PCDH9: variants seen among roughly 807,000 people sequenced by gnomAD.
The protein encoded by PCDH9 is protocadherin 9.
In PCDH9, 24 loss-of-function variants were observed where a neutral mutation model predicts 70.6. The observed-to-expected ratio is 0.34, with a 90% CI of 0.25 to 0.48. The LOEUF is 0.48. Among genes scored for constraint, PCDH9 ranks in the 20% least tolerant of loss-of-function variants. The pLI, the probability that PCDH9 is intolerant of heterozygous loss-of-function variation, is 0.99. For synonymous variants in PCDH9, 562 were observed against 558.5 expected (o/e 1.01, Z -0.09); for missense variants, 1,281 against 1,503.6 (o/e 0.85, Z 2.45).
chr13:66,557,485 T>A (rs1356544464), intron 4 of PCDH9, among the ~76,000 whole-genome samples: 6 of 152,206 alleles, frequency 3.9e-5, no homozygotes, highest in Admixed American at 3.9e-4. Context: ...TTAGAAAACT[T>A]CAGAGAAACA....
chr13:67,025,352 T>C (rs1322801557), intron 2 of PCDH9, among the ~76,000 whole-genome samples: 3 of 152,134 alleles, frequency 2.0e-5, no homozygotes, highest in Non-Finnish European at 2.9e-5. Context: ...TTGTGAATGT[T>C]CAAGAAAAAT....
intron 4 of PCDH9, among the ~76,000 whole-genome samples, chr13:66,412,792 CCTT>C (rs1453827596): frequency 6.6e-6 from 1 of 152,062 alleles, no homozygotes; most frequent in Admixed American, 6.5e-5. Flanking sequence ...CAATTTTTGT[CCTT>C]CTGCTAATTG....
chr13:66,463,267 G>C (rs1030026038), intron 4 of PCDH9, among the ~76,000 whole-genome samples: 2 of 151,768 alleles, frequency 1.3e-5, no homozygotes, highest in East Asian at 3.9e-4. Flanking sequence ...ATTCAAGAGA[G>C]CAAAGAATGC....
intron 4 of PCDH9, among the ~76,000 whole-genome samples, chr13:66,480,389 A>G (rs1202774518): frequency 1.3e-5 from 2 of 152,212 alleles, no homozygotes; most frequent in Admixed American, 6.5e-5. Flanking sequence ...TGTTGAAATA[A>G]CAAAATTCTA....
At chr13:66,914,202 A>G (rs1404886517) in intron 2 of PCDH9, among the ~76,000 whole-genome samples, 1 of 151,922 alleles carries the variant, frequency 6.6e-6, no homozygotes, top group Non-Finnish European at 1.5e-5. Flanking sequence ...GCTTATTTTC[A>G]AGGTCTTAAA....
intron 4 of PCDH9, among the ~76,000 whole-genome samples, chr13:66,534,522 G>C (rs1960606485): frequency 6.6e-6 from 1 of 152,002 alleles, no homozygotes; most frequent in African/African-American, 2.4e-5. Context: ...CCACTCCTGA[G>C]GGCCCCAATC....
At chr13:66,761,391 C>A (rs566246420) in intron 3 of PCDH9, among the ~76,000 whole-genome samples, 1 of 152,250 alleles carries the variant, frequency 6.6e-6, no homozygotes, top group African/African-American at 2.4e-5. Context: ...ATTTATATTT[C>A]TCTGGGTTTG....
intron 2 of PCDH9, among the ~76,000 whole-genome samples, chr13:66,971,542 T>C (rs2083522941): frequency 6.6e-6 from 1 of 152,038 alleles, no homozygotes; most frequent in Admixed American, 6.6e-5. Flanking sequence ...ATTCGATTTA[T>C]ATTCTCCCAA....
Position 66,674,972 on chromosome 13 carries a change from A to G in PCDH9, c.3139-43561T>C, listed in dbSNP as rs141286257. Among the ~76,000 whole-genome samples the G allele has an allele frequency of 2.3e-3, 353 of 152,228 alleles. 1 individual carries two copies. The highest frequency in any genetic ancestry group is 3.4e-3 in the Non-Finnish European group (232 of 67,954). On this transcript the variant is annotated intron_variant, in intron 3 of 4. Coordinates refer to ENST00000377865, the MANE Select transcript of PCDH9 (RefSeq NM_203487.3). Reference sequence around the variant, plus strand: ...TATATTTCATTTTAAATCAGTCCTCATAATCTTTTAATTTAACTCATTTCA... The same window carrying G: ...TATATTTCATTTTAAATCAGTCCTCGTAATCTTTTAATTTAACTCATTTCA...
chr13:67,063,399 T>G (rs531746860), intron 2 of PCDH9, among the ~76,000 whole-genome samples: 1 of 152,234 alleles, frequency 6.6e-6, no homozygotes, highest in Admixed American at 6.6e-5. Flanking sequence ...CATGCTAAGC[T>G]TGGGGAGGTG....
At chr13:66,963,545 C>G (rs1003327056) in intron 2 of PCDH9, among the ~76,000 whole-genome samples, 5 of 152,170 alleles carry the variant, frequency 3.3e-5, no homozygotes, top group African/African-American at 1.2e-4. Context: ...GATTTCCTTA[C>G]TAAGTGCACC....
chr13:66,434,080 T>TA (rs1325165322), intron 4 of PCDH9, among the ~76,000 whole-genome samples: 1 of 151,856 alleles, frequency 6.6e-6, no homozygotes, highest in East Asian at 1.9e-4. Flanking sequence ...ACAATGGCTA[T>TA]AAAAATAGAA....
At chr13:67,206,425 TG>T (rs1173492522) in intron 2 of PCDH9, 1 of 152,172 alleles carries the variant, frequency 6.6e-6, no homozygotes, top group Non-Finnish European at 1.5e-5. Flanking sequence ...CCCAAAGAGC[TG>T]GGATTACAAG....
chr13:66,521,672 C>A (rs1166260688), intron 4 of PCDH9, among the ~76,000 whole-genome samples: 1 of 152,066 alleles, frequency 6.6e-6, no homozygotes, highest in Admixed American at 6.6e-5. Flanking sequence ...CTTGGTTTAA[C>A]AAAACATGTG....
At chr13:66,876,926 G>A (rs552200620) in intron 3 of PCDH9, 2 of 151,846 alleles carry the variant, frequency 1.3e-5, no homozygotes, top group Non-Finnish European at 2.9e-5. Flanking sequence ...TACGGTAAGG[G>A]TTTTACAATC....
intron 4 of PCDH9, among the ~76,000 whole-genome samples, chr13:66,546,572 G>A (rs1378575284): frequency 1.3e-5 from 2 of 152,114 alleles, no homozygotes; most frequent in African/African-American, 2.4e-5. Context: ...AGTTTATAAA[G>A]TAAAACTACT....
At chr13:66,305,096 G>C in intron 4 of PCDH9, 68 bp from the exon 5 acceptor site, 1 of 1,365,780 alleles carries the variant, frequency 7.3e-7, no homozygotes, top group Admixed American at 2.5e-5. Flanking sequence ...AATTATCTTA[G>C]AGAAAAAGTA....
intron 3 of PCDH9, among the ~76,000 whole-genome samples, chr13:66,796,020 C>T (rs193302256): frequency 7.9e-5 from 12 of 152,232 alleles, no homozygotes; most frequent in African/African-American, 2.6e-4. Context: ...GCAATATTAG[C>T]AAGTTAACCC....
chr13:66,909,882 T>C (rs1032430019), intron 2 of PCDH9, among the ~76,000 whole-genome samples: 2 of 152,176 alleles, frequency 1.3e-5, no homozygotes, highest in African/African-American at 2.4e-5. Context: ...CCCTGACACA[T>C]GTTCCTACCC....
Sources: allele counts gnomAD v4.1 joint callset (sites outside exome capture counted in the v4.1 genomes callset), GRCh38; gene constraint gnomAD v4.1.1; transcripts MANE v1.5; gene names NCBI Gene and HGNC (gene_info 2026-07-23, HGNC 2026-07-21).